Variants in NPC1 observed in about 807,000 individuals in gnomAD.
The protein encoded by NPC1 is Niemann-Pick C1 protein.
A neutral mutation model predicts 140.4 loss-of-function variants in NPC1; 85 were observed. The ratio of observed to expected loss-of-function variants is 0.61; its 90% CI spans 0.51 to 0.72. NPC1 has a LOEUF of 0.72. NPC1 is among the 30% of genes least tolerant of loss of function. The probability of loss-of-function intolerance (pLI) is 0.00; values close to 1 mark genes in which losing one functional copy is unlikely to be tolerated. For missense variants in NPC1, 1,504 were observed against 1,623.8 expected (o/e 0.93, Z 1.27); for synonymous variants, 656 against 624.8 (o/e 1.05, Z -0.74).
At chr18:23,547,810 G>T (rs954992303) in intron 11 of NPC1, among the ~76,000 whole-genome samples, 196 bp downstream of exon 11, 3 of 152,226 alleles carry the variant, frequency 2.0e-5, no homozygotes, top group Non-Finnish European at 2.9e-5. Flanking sequence ...CCTGTGGAGG[G>T]AGAGCTGTTT....
At chr18:23,513,326 C>T (rs1415975459) in intron 3 of NPC1, among the ~76,000 whole-genome samples, 1 of 152,198 alleles carries the variant, frequency 6.6e-6, no homozygotes, top group Non-Finnish European at 1.5e-5. Flanking sequence ...TGGCTTATTT[C>T]ATCTACCATA....
At chr18:23,570,737 G>GA (rs2059189468) in intron 3 of NPC1, among the ~76,000 whole-genome samples, 1 of 152,212 alleles carries the variant, frequency 6.6e-6, no homozygotes, top group African/African-American at 2.4e-5. Flanking sequence ...GCATATTTGA[G>GA]AATTGCTGGC....
chr18:23,511,309 C>CG (rs1206729839), intron 3 of NPC1, among the ~76,000 whole-genome samples: 3 of 146,232 alleles, frequency 2.1e-5, no homozygotes, highest in Non-Finnish European at 4.5e-5. Context: ...ACAACAGACA[C>CG]GGGGGGCTAC....
At chr18:23,577,597 G>A (rs1163226036) in intron 1 of NPC1, among the ~76,000 whole-genome samples, 1 of 152,218 alleles carries the variant, frequency 6.6e-6, no homozygotes, top group East Asian at 1.9e-4. Context: ...GGCTGCAGGT[G>A]GAGCTGCCTG....
chr18:23,544,573 T>G (rs375574447), intron 12 of NPC1, 47 bp from the exon 13 acceptor site: 44 of 1,563,746 alleles, frequency 2.8e-5, no homozygotes, highest in African/African-American at 4.1e-5. Context: ...CAGGGTTGTC[T>G]GTCCCACTTG....
intron 1 of NPC1, among the ~76,000 whole-genome samples, chr18:23,583,592 A>T (rs1229938587): frequency 6.6e-6 from 1 of 151,938 alleles, no homozygotes; most frequent in African/African-American, 2.4e-5. Flanking sequence ...ACCCGAGATC[A>T]GAGATGACTG....
At chr18:23,581,413 G>A (rs2059353886) in intron 1 of NPC1, among the ~76,000 whole-genome samples, 1 of 152,142 alleles carries the variant, frequency 6.6e-6, no homozygotes, top group South Asian at 2.1e-4. Flanking sequence ...CAAAAAACTA[G>A]GGCACAGAAG....
In NPC1 at chr18:23,535,673, GTA is replaced by G; in HGVS notation, c.3271_3272del (p.Tyr1091ProfsTer5). ...YSVFYVFYEQ[Y>X]LTIIDDTIFN... Reference sequence around the variant, plus strand: ...AGATAGTGTCGTCAATGATGGTCAGGTACTGTTCGTAGAAGACATAAAACACA... The same window carrying G: ...AGATAGTGTCGTCAATGATGGTCAGGCTGTTCGTAGAAGACATAAAACACA... On this transcript the variant is annotated frameshift_variant, in exon 22 of 25. Transcript: ENST00000269228. LOFTEE classifies it high-confidence loss of function. 6.2e-7 allele frequency: 1 copy of G among 1,613,946 alleles called. No homozygotes were observed. The highest frequency in any genetic ancestry group is 8.5e-7 in the Non-Finnish European group (1 of 1,179,858).
At chr18:23,561,336 C>T (rs2059035042) in intron 5 of NPC1, 24 bp downstream of exon 5, 1 of 1,613,764 alleles carries the variant, frequency 6.2e-7, no homozygotes. Context: ...ATAAACACAC[C>T]AAACTTGGAA....
chr18:23,567,619 C>A (rs1302057957), intron 4 of NPC1, among the ~76,000 whole-genome samples: 1 of 152,188 alleles, frequency 6.6e-6, no homozygotes, highest in Non-Finnish European at 1.5e-5. Flanking sequence ...TTTTCACAAT[C>A]ACAATAGTGT....
Position 23,561,952 on chromosome 18 carries a change from T to C in NPC1, c.464-425A>G, listed in dbSNP as rs558753951. Among the ~76,000 whole-genome samples, 5 of 152,286 alleles carry C rather than the reference T, an allele frequency of 3.3e-5. No individual in the cohort carries two copies. In the East Asian group the frequency reaches 9.6e-4, roughly 29 times the overall value. ...TACACAGCCAGAGAATTATGGAACTTACTTGGAAAACTGGTTTTAGAGCAG... is the reference window on the plus strand; with the variant it reads ...TACACAGCCAGAGAATTATGGAACTCACTTGGAAAACTGGTTTTAGAGCAG... On this transcript the variant is annotated intron_variant, in intron 4 of 24. Coordinates refer to ENST00000269228, the MANE Select transcript of NPC1 (RefSeq NM_000271.5).
downstream of NPC1, chr18:23,519,142 A>C (rs1567923201): frequency 1.9e-6 from 3 of 1,614,202 alleles, no homozygotes; most frequent in Non-Finnish European, 2.5e-6. Flanking sequence ...CGTGGTGGAC[A>C]ACCTGGTAGT....
chr18:23,559,678 G>A (rs1025228897), intron 6 of NPC1, among the ~76,000 whole-genome samples: 5 of 151,816 alleles, frequency 3.3e-5, no homozygotes, highest in South Asian at 2.1e-4. Context: ...GGCTGGGCAC[G>A]GTGGCTTACT....
chr18:23,580,476 G>A (rs939694565), intron 1 of NPC1, among the ~76,000 whole-genome samples: 1 of 152,168 alleles, frequency 6.6e-6, no homozygotes, highest in Non-Finnish European at 1.5e-5. Context: ...ATCTTTTAAA[G>A]TATCTCTCTA....
At chr18:23,515,852 T>G in intron 3 of NPC1, 1 of 1,614,082 alleles carries the variant, frequency 6.2e-7, no homozygotes, top group Non-Finnish European at 8.5e-7. Context: ...AAACTCTGCT[T>G]CAGGTATTAC....
intron 1 of NPC1, among the ~76,000 whole-genome samples, chr18:23,584,540 G>A (rs1038931696): frequency 1.3e-5 from 2 of 152,178 alleles, no homozygotes; most frequent in Non-Finnish European, 2.9e-5. Flanking sequence ...TTGGGTACTT[G>A]AGATTTAAAA....
chr18:23,576,339 T>G (rs1198613461), intron 1 of NPC1: 4 of 287,622 alleles, frequency 1.4e-5, no homozygotes, highest in Middle Eastern at 1.7e-3. Flanking sequence ...GAAGATCAGC[T>G]TGAACCCAGG....
chr18:23,541,056 A>AT lies in NPC1; in HGVS notation c.2514+11dup, dbSNP rs773276283. 48 of 1,614,134 alleles carry AT rather than the reference A, an allele frequency of 3.0e-5. No homozygotes were observed. The African/African-American group carries it at 4.4e-4, about 15-fold the overall frequency. ...GTGAGAGGAAAGAGAAAAACCACAGATAAGCGCATACCACAATTGGTCTCA... is the reference window on the plus strand; with the variant it reads ...GTGAGAGGAAAGAGAAAAACCACAGATTAAGCGCATACCACAATTGGTCTCA... On this transcript the variant is annotated intron_variant, in intron 16 of 24. Transcript: ENST00000269228.
At chr18:23,558,576 AAC>A (rs1026921963) in intron 6 of NPC1, among the ~76,000 whole-genome samples, 2 of 152,226 alleles carry the variant, frequency 1.3e-5, no homozygotes, top group African/African-American at 4.8e-5. Flanking sequence ...GGACTCATAA[AAC>A]ACAAAAATGT....
Sources: allele counts gnomAD v4.1 joint callset (sites outside exome capture counted in the v4.1 genomes callset), GRCh38; gene constraint gnomAD v4.1.1; transcripts MANE v1.5; gene names NCBI Gene and HGNC (gene_info 2026-07-23, HGNC 2026-07-21).